OSBPL9: variants seen among roughly 807,000 people sequenced by gnomAD.
OSBPL9 encodes oxysterol-binding protein-related protein 9.
In OSBPL9, 40 loss-of-function variants were observed where a neutral mutation model predicts 106.6. The observed-to-expected ratio is 0.38, with a 90% CI of 0.29 to 0.49. The LOEUF (loss-of-function observed/expected upper bound fraction) is 0.49, where lower values mean the gene tolerates loss of function less well. Ranked by LOEUF, OSBPL9 falls within the 20% of genes least tolerant of loss-of-function variation. The pLI, the probability that OSBPL9 is intolerant of heterozygous loss-of-function variation, is 0.97. For synonymous variants in OSBPL9, 269 were observed against 295.4 expected, an observed-to-expected ratio of 0.91 and a Z score of 0.92; for missense variants, 609 against 887.2, an observed-to-expected ratio of 0.69 and a Z score of 3.98.
At chr1:51,624,022 A>G (rs910748946) in intron 1 of OSBPL9, among the ~76,000 whole-genome samples, 3 of 151,934 alleles carry the variant, frequency 2.0e-5, no homozygotes, top group East Asian at 3.9e-4. Context: ...GGTAGAAGCA[A>G]TTCTCCTGTC....
At chr1:51,611,281 T>A (rs1570543236) in intron 2 of OSBPL9, among the ~76,000 whole-genome samples, 1 of 151,060 alleles carries the variant, frequency 6.6e-6, no homozygotes, top group East Asian at 1.9e-4. Flanking sequence ...CAAAACAGGC[T>A]ATGCCTTATT....
chr1:51,580,925 TATATATATATATATATATATATATATATA>T (rs752835364), intron 1 of OSBPL9, among the ~76,000 whole-genome samples: 4,584 of 7,756 alleles, frequency 0.59, 832 homozygotes, highest in South Asian at 0.67. Flanking sequence ...TATATATATA[TATATATATATATATATATATATATATATA>T]ACTTTTTTGA....
chr1:51,662,878 A>G (rs369682458), intron 2 of OSBPL9, among the ~76,000 whole-genome samples: 44 of 150,964 alleles, frequency 2.9e-4, no homozygotes, highest in Admixed American at 5.3e-4. Flanking sequence ...CTGAGTAGCT[A>G]GGACTACAGG....
chr1:51,687,511 G>A (rs1384825198), intron 3 of OSBPL9, among the ~76,000 whole-genome samples: 1 of 152,198 alleles, frequency 6.6e-6, no homozygotes, highest in Non-Finnish European at 1.5e-5. Context: ...AAGAGATAAT[G>A]TTTGATGTGG....
the OSBPL9 span, among the ~76,000 whole-genome samples, chr1:51,538,434 A>C: frequency 6.6e-6 from 1 of 152,096 alleles, no homozygotes. Context: ...CTGTATATTC[A>C]AGTACTATGT....
In OSBPL9 at chr1:51,765,993, A is replaced by G. The variant is rs1304136911; in HGVS notation, c.938+12A>G. 1 of 1,592,760 alleles carries G rather than the reference A, an allele frequency of 6.3e-7. No homozygotes were observed. The highest frequency in any genetic ancestry group is 2.3e-5 in the East Asian group (1 of 44,148). ...AAGCGCTTAATAGAGTGAGTAGATGAACAGAATATGTATTTAAATGATTCT... is the reference window on the plus strand; with the variant it reads ...AAGCGCTTAATAGAGTGAGTAGATGGACAGAATATGTATTTAAATGATTCT... On this transcript the variant is annotated intron_variant, in intron 12 of 23. Coordinates refer to ENST00000428468, the MANE Select transcript of OSBPL9 (RefSeq NM_024586.6).
At chr1:51,615,776 A>AG (rs1241909462), upstream of OSBPL9, among the ~76,000 whole-genome samples, 1 of 152,148 alleles carries the variant, frequency 6.6e-6, no homozygotes, top group Non-Finnish European at 1.5e-5. Context: ...ACTTCCTAAG[A>AG]GGCCTGCCCT....
At chr1:51,520,763 T>C in the OSBPL9 span, among the ~76,000 whole-genome samples, 8,797 of 152,274 alleles carry the variant, frequency 0.058, 344 homozygotes, top group Non-Finnish European at 0.086. Flanking sequence ...AAGCAAACCA[T>C]TCCAGAAATT....
the OSBPL9 span, chr1:51,519,350 A>G: frequency 2.5e-5 from 9 of 362,942 alleles, no homozygotes; most frequent in South Asian, 9.6e-4. Flanking sequence ...CGTCTCCCCT[A>G]ACTTCCACAA....
chr1:51,735,005 C>T (rs1017362806), intron 4 of OSBPL9, among the ~76,000 whole-genome samples: 1 of 152,170 alleles, frequency 6.6e-6, no homozygotes, highest in Non-Finnish European at 1.5e-5. Context: ...TGGTTATTCT[C>T]CATTTTCTTG....
chr1:51,667,884 T>C (rs777405244), intron 2 of OSBPL9, among the ~76,000 whole-genome samples: 10 of 152,212 alleles, frequency 6.6e-5, no homozygotes, highest in Non-Finnish European at 1.5e-4. Flanking sequence ...GGAGACACTT[T>C]CCCTATTTGA....
chr1:51,603,701 G>A (rs908821683), intron 2 of OSBPL9, among the ~76,000 whole-genome samples: 4 of 152,082 alleles, frequency 2.6e-5, no homozygotes, highest in Admixed American at 6.6e-5. Context: ...CTCTTTATAG[G>A]CAATAAAAAC....
intron 1 of OSBPL9, among the ~76,000 whole-genome samples, chr1:51,625,522 T>G (rs952597250): frequency 4.6e-5 from 7 of 151,560 alleles, no homozygotes; most frequent in African/African-American, 1.5e-4. Flanking sequence ...GATTATCTTC[T>G]TCTTCTTTTT....
Position 51,711,292 on chromosome 1 carries a change from G to A in OSBPL9, c.242-2711G>A, listed in dbSNP as rs1571244253. Among the ~76,000 whole-genome samples the A allele has an allele frequency of 3.3e-5, 5 of 150,320 alleles. 1 individual carries two copies. Among genetic ancestry groups the A allele is most frequent in the African/African-American group, 1.2e-4 (5 of 40,944 alleles). On this transcript the variant is annotated intron_variant, in intron 3 of 23. Transcript: ENST00000428468. ...TTCCCAGTAGGGGCGGCCGGGCAGA[G>A]GTGCCCCTCACCTCCCGGACGGGGC...
chr1:51,681,362 T>A (rs1179167513), intron 3 of OSBPL9, among the ~76,000 whole-genome samples: 6 of 152,210 alleles, frequency 3.9e-5, no homozygotes, highest in African/African-American at 1.4e-4. Context: ...TATTTATTCA[T>A]AAGATTTATT....
chr1:51,591,005 G>T (rs1645272705), intron 1 of OSBPL9, among the ~76,000 whole-genome samples: 2 of 147,084 alleles, frequency 1.4e-5, no homozygotes, highest in South Asian at 4.3e-4. Context: ...TGCAAGTTCT[G>T]CCTCCCAGGT....
In OSBPL9 at chr1:51,679,179, T is replaced by C. The variant is rs575151623; in HGVS notation, c.241+9667T>C. 2.0e-5 allele frequency among the ~76,000 whole-genome samples: 3 copies of C among 152,340 alleles called. No homozygotes were observed. The East Asian group carries it at 5.8e-4, about 29-fold the overall frequency. ...GGGTCGGACTTCACTGATGTACTTT[T>C]CTTCTTCTTTATTTGCTTTCTGTAC... On this transcript the variant is annotated intron_variant, in intron 3 of 23. Coordinates refer to ENST00000428468, the MANE Select transcript of OSBPL9 (RefSeq NM_024586.6).
At chr1:51,670,561 A>G (rs1649633393) in intron 3 of OSBPL9, among the ~76,000 whole-genome samples, 1 of 152,182 alleles carries the variant, frequency 6.6e-6, no homozygotes. Flanking sequence ...TCAGAAATTG[A>G]CAGATAGTAA....
chr1:51,639,585 A>G (rs1287720355), intron 1 of OSBPL9, among the ~76,000 whole-genome samples: 1 of 152,172 alleles, frequency 6.6e-6, no homozygotes, highest in Non-Finnish European at 1.5e-5. Flanking sequence ...ACATGCACAT[A>G]CGTTATTATC....
Sources: allele counts gnomAD v4.1 joint callset (sites outside exome capture counted in the v4.1 genomes callset), GRCh38; gene constraint gnomAD v4.1.1; transcripts MANE v1.5; gene names NCBI Gene and HGNC (gene_info 2026-07-23, HGNC 2026-07-21).